The following GRIA4 variants were observed in gnomAD, a reference collection of about 807,000 sequenced individuals.
GRIA4 encodes the protein glutamate ionotropic receptor AMPA type subunit 4.
In GRIA4, 34 loss-of-function variants were observed where a neutral mutation model predicts 104.0. The ratio of observed to expected loss-of-function variants is 0.33; its 90% confidence interval spans 0.25 to 0.44. The LOEUF is 0.44. Among genes scored for constraint, GRIA4 ranks in the 20% least tolerant of loss-of-function variants. The pLI, the probability that GRIA4 is intolerant of heterozygous loss-of-function variation, is 1.00. For missense variants in GRIA4, 750 were observed against 1,096.5 expected, an observed-to-expected ratio of 0.68 and a Z score of 4.46; for synonymous variants, 386 against 381.9, an observed-to-expected ratio of 1.01 and a Z score of -0.13.
At position 105,832,818 on chromosome 11, in the gene GRIA4, CCTT is replaced by C. The variant is rs1944025631; in HGVS notation, c.488-29203_488-29201del. Among the ~76,000 whole-genome samples, 4 of 151,968 alleles carry C rather than the reference CCTT, an allele frequency of 2.6e-5. No homozygotes were observed. In the South Asian group the frequency reaches 6.2e-4, roughly 24 times the overall value. ...GCATTTTTAGTGACTGTATTCCACT[CCTT>C]CTCTTTCTGGTGTACGGCTTTCAGA... On this transcript the variant is annotated intron_variant, in intron 4 of 16. Transcript: ENST00000282499.
intron 4 of GRIA4, among the ~76,000 whole-genome samples, chr11:105,781,945 C>A (rs1488906373): frequency 2.0e-5 from 3 of 152,082 alleles, no homozygotes; most frequent in Admixed American, 6.6e-5. Flanking sequence ...GGAAACAGTA[C>A]CCCTTTGTTA....
chr11:105,668,239 A>AT (rs1555095733), intron 3 of GRIA4, among the ~76,000 whole-genome samples: 24 of 136,634 alleles, frequency 1.8e-4, no homozygotes, highest in South Asian at 4.7e-4. Flanking sequence ...ATATATATAT[A>AT]TATATATACT....
intron 4 of GRIA4, among the ~76,000 whole-genome samples, chr11:105,782,563 T>C (rs1388199623): frequency 6.6e-6 from 1 of 152,204 alleles, no homozygotes; most frequent in Non-Finnish European, 1.5e-5. Flanking sequence ...AAGGTGGTTT[T>C]TTCACATTAG....
intron 6 of GRIA4, among the ~76,000 whole-genome samples, chr11:105,888,929 T>C (rs1014077680): frequency 1.3e-5 from 2 of 152,168 alleles, no homozygotes; most frequent in Admixed American, 1.3e-4. Flanking sequence ...GTTTCACTAT[T>C]TTTTATAAAA....
chr11:105,671,121 A>G (rs1008964634), intron 3 of GRIA4, among the ~76,000 whole-genome samples: 2 of 152,172 alleles, frequency 1.3e-5, no homozygotes, highest in African/African-American at 4.8e-5. Context: ...GTAATACCAG[A>G]TAATTTTCCA....
intron 3 of GRIA4, among the ~76,000 whole-genome samples, chr11:105,698,647 CAG>C (rs141330407): frequency 9.0e-4 from 137 of 152,254 alleles, no homozygotes; most frequent in Middle Eastern, 3.4e-3. Context: ...ATCAGAACAC[CAG>C]AGAGAATGTG....
chr11:105,871,887 A>C (rs1484098546), intron 5 of GRIA4, among the ~76,000 whole-genome samples: 3 of 152,082 alleles, frequency 2.0e-5, no homozygotes, highest in African/African-American at 7.2e-5. Flanking sequence ...TAATTGAGTC[A>C]TTTTTGTGGG....
chr11:105,610,923 T>C lies in GRIA4; in HGVS notation c.-75T>C. ...TTAATTTTAGCGCCATCGTCTTCAA[T>C]GCTTCTCTGAACAGCCTTTAGGAAG... On this transcript the variant is annotated 5_prime_UTR_variant, in exon 2 of 17. An upstream start codon of the reference 5' UTR is lost. Transcript: ENST00000282499. The C allele has an allele frequency of 1.4e-6, 1 of 707,536 alleles. No homozygotes were observed. The highest frequency in any genetic ancestry group is 2.4e-6 in the Non-Finnish European group (1 of 408,886). 43.8% of individuals were successfully genotyped at this position (707,536 alleles called of 1,614,324 possible).
chr11:105,959,027 C>G (rs1038077813), intron 14 of GRIA4, among the ~76,000 whole-genome samples: 1 of 152,160 alleles, frequency 6.6e-6, no homozygotes. Context: ...GCCTGCCTCT[C>G]TGGCTGCCCT....
At chr11:105,766,821 C>G (rs1270747894) in intron 4 of GRIA4, among the ~76,000 whole-genome samples, 2 of 152,062 alleles carry the variant, frequency 1.3e-5, no homozygotes, top group African/African-American at 4.8e-5. Context: ...TTTGCTTTGC[C>G]TGGAATACTC....
At chr11:105,649,946 T>G (rs1951639450) in intron 3 of GRIA4, among the ~76,000 whole-genome samples, 1 of 152,136 alleles carries the variant, frequency 6.6e-6, no homozygotes, top group South Asian at 2.1e-4. Flanking sequence ...AAAGAAATGA[T>G]GCTTACAATT....
intron 16 of GRIA4, among the ~76,000 whole-genome samples, chr11:105,975,135 T>TAG: frequency 6.6e-6 from 1 of 152,182 alleles, no homozygotes; most frequent in East Asian, 1.9e-4. Context: ...TACCTGATGG[T>TAG]AGTCCTTGAG....
chr11:105,676,160 G>A (rs1045366187), intron 3 of GRIA4, among the ~76,000 whole-genome samples: 2 of 151,610 alleles, frequency 1.3e-5, no homozygotes, highest in African/African-American at 4.8e-5. Context: ...GAAAAACTAA[G>A]GAGTAGATTA....
intron 14 of GRIA4, among the ~76,000 whole-genome samples, chr11:105,943,886 A>G (rs190858141): frequency 9.9e-5 from 15 of 151,878 alleles, no homozygotes; most frequent in African/African-American, 3.4e-4. Flanking sequence ...CTCTCTATAT[A>G]TATATATAGG....
chr11:105,936,961 G>A (rs1024564184), intron 14 of GRIA4, among the ~76,000 whole-genome samples: 2 of 152,004 alleles, frequency 1.3e-5, no homozygotes, highest in African/African-American at 4.8e-5. Context: ...AGAAATTGTT[G>A]GTTTATTGTA....
At position 105,928,954 on chromosome 11, in the gene GRIA4, C is replaced by T. The variant is rs536153840; in HGVS notation, c.2046+2015C>T. Among the ~76,000 whole-genome samples the T allele has an allele frequency of 3.3e-5, 5 of 152,148 alleles. No homozygotes were observed. In the South Asian group the frequency reaches 1.0e-3, roughly 32 times the overall value. ...CCATACAAACTGTGCAAGCACCATT[C>T]CTTGTTTCCTTTCTCTCCAACCCAA... On this transcript the variant is annotated intron_variant, in intron 13 of 16. Transcript: ENST00000282499.
At chr11:105,695,478 CTGTGTGTG>C (rs368292284) in intron 3 of GRIA4, among the ~76,000 whole-genome samples, 3 of 135,154 alleles carry the variant, frequency 2.2e-5, no homozygotes, top group Admixed American at 7.4e-5. Flanking sequence ...GTGTGTGTGT[CTGTGTGTG>C]TGTGTGTGTG....
intron 13 of GRIA4, among the ~76,000 whole-genome samples, chr11:105,930,959 A>C (rs1947856841): frequency 6.6e-6 from 1 of 152,166 alleles, no homozygotes; most frequent in South Asian, 2.1e-4. Flanking sequence ...TATATGTTTA[A>C]AGGAAGTTTA....
chr11:105,762,902 T>C (rs1457939300), intron 4 of GRIA4, among the ~76,000 whole-genome samples: 2 of 152,138 alleles, frequency 1.3e-5, no homozygotes, highest in African/African-American at 4.8e-5. Flanking sequence ...GGCTAATACA[T>C]AGATCAACTG....
Sources: gnomAD v4.1 joint callset for allele counts (sites outside exome capture counted in the v4.1 genomes callset) on GRCh38, gnomAD v4.1.1 for gene constraint, MANE v1.5 for transcripts, NCBI Gene and HGNC (gene_info 2026-07-23, HGNC 2026-07-21) for gene names.